GABRG3: variants seen among roughly 807,000 people sequenced by gnomAD.
GABRG3 encodes the protein gamma-aminobutyric acid receptor subunit gamma-3.
A neutral mutation model predicts 48.8 loss-of-function variants in GABRG3; 25 were observed. That is an observed-to-expected ratio of 0.51 (90% CI 0.37 to 0.72). GABRG3 has a LOEUF of 0.72. Among genes scored for constraint, GABRG3 ranks in the 30% least tolerant of loss-of-function variants. The probability of loss-of-function intolerance (pLI) is 0.00; values close to 1 mark genes in which losing one functional copy is unlikely to be tolerated. For synonymous variants in GABRG3, 227 were observed against 217.6 expected (o/e 1.04, Z -0.38); for missense variants, 394 against 577.9 (o/e 0.68, Z 3.26).
At chr15:27,312,845 G>A (rs376089430) in intron 3 of GABRG3, among the ~76,000 whole-genome samples, 5 of 152,006 alleles carry the variant, frequency 3.3e-5, no homozygotes, top group East Asian at 1.9e-4. Context: ...AATCTCATTA[G>A]TATAAGTAAA....
intron 3 of GABRG3, among the ~76,000 whole-genome samples, chr15:27,052,593 A>G (rs951054947): frequency 6.6e-6 from 1 of 152,252 alleles, no homozygotes; most frequent in Non-Finnish European, 1.5e-5. Context: ...GAAATCTAGT[A>G]TCAAGACAAA....
intron 3 of GABRG3, among the ~76,000 whole-genome samples, chr15:27,116,372 T>A (rs1897641558): frequency 1.3e-5 from 2 of 150,814 alleles, no homozygotes; most frequent in Admixed American, 6.6e-5. Flanking sequence ...TTTTATATAT[T>A]TTTTTCTCAT....
At chr15:27,388,085 A>AGGTG (rs1566817568) in intron 5 of GABRG3, among the ~76,000 whole-genome samples, 9 of 61,858 alleles carry the variant, frequency 1.5e-4, no homozygotes, top group African/African-American at 6.4e-4. Flanking sequence ...AAGGAAGGAA[A>AGGTG]GGAGGGAGGA....
At position 27,236,665 on chromosome 15, in the gene GABRG3, A is replaced by G. The variant is rs1889978006; in HGVS notation, c.271-90144A>G. ...TTCCTGATTAGAGACCACCAGCCAC[A>G]GAGTGGCTCTGACCAGCCTAGGGAG... On this transcript the variant is annotated intron_variant, in intron 3 of 9. Coordinates refer to ENST00000615808, the MANE Select transcript of GABRG3 (RefSeq NM_033223.5). This position sits in a 1 kb window ranked among gnomAD's most constrained non-coding sequence, Gnocchi z 4.4. Among the ~76,000 whole-genome samples the G allele has an allele frequency of 6.6e-6, 1 of 152,200 alleles. No individual in the cohort carries two copies. Among genetic ancestry groups the G allele is most frequent in the Admixed American group, 6.5e-5 (1 of 15,282 alleles).
In GABRG3 at chr15:27,061,866, C is replaced by T. The variant is rs569587118; in HGVS notation, c.270+35045C>T. 2.0e-4 allele frequency among the ~76,000 whole-genome samples: 31 copies of T among 152,294 alleles called. No homozygotes were observed. The East Asian group carries it at 4.3e-3, about 21-fold the overall frequency. On this transcript the variant is annotated intron_variant, in intron 3 of 9. Coordinates refer to ENST00000615808, the MANE Select transcript of GABRG3 (RefSeq NM_033223.5). ...TCTCCCGCCCCGTGTGGAAATCCTG[C>T]TGTGCTCCCGAGAGGCACTGCCTGC...
chr15:27,358,823 G>A (rs113057937), intron 5 of GABRG3, among the ~76,000 whole-genome samples: 39 of 152,236 alleles, frequency 2.6e-4, no homozygotes, highest in African/African-American at 9.1e-4. Context: ...TTCTCCCTAC[G>A]TAGGAGGGCC....
intron 5 of GABRG3, among the ~76,000 whole-genome samples, chr15:27,356,330 A>G (rs1184049120): frequency 6.6e-6 from 1 of 152,202 alleles, no homozygotes; most frequent in African/African-American, 2.4e-5. Flanking sequence ...TGTGATTCTC[A>G]TTCTTTGAAT....
chr15:27,487,941 C>T (rs955524895), intron 6 of GABRG3, among the ~76,000 whole-genome samples: 1 of 152,152 alleles, frequency 6.6e-6, no homozygotes, highest in South Asian at 2.1e-4. Flanking sequence ...ACGCAAATGA[C>T]AAACTGAATC....
intron 7 of GABRG3, among the ~76,000 whole-genome samples, chr15:27,527,018 G>A (rs991879123): frequency 6.6e-6 from 1 of 152,136 alleles, no homozygotes; most frequent in Middle Eastern, 3.2e-3. Context: ...TGCTGGAGCC[G>A]GGTCTTCAAG....
chr15:27,016,172 A>G (rs950810070), intron 2 of GABRG3, among the ~76,000 whole-genome samples: 4 of 151,264 alleles, frequency 2.6e-5, no homozygotes, highest in Non-Finnish European at 4.4e-5. Context: ...TATTTCTTAT[A>G]TAGCAGCTCT....
chr15:27,440,599 G>A (rs1018745269), intron 5 of GABRG3, among the ~76,000 whole-genome samples: 1 of 152,288 alleles, frequency 6.6e-6, no homozygotes, highest in Admixed American at 6.5e-5. Context: ...TTGAGGCAGG[G>A]CCTTTCCTGG....
At chr15:27,486,320 A>G (rs1043581956) in intron 6 of GABRG3, among the ~76,000 whole-genome samples, 2 of 152,174 alleles carry the variant, frequency 1.3e-5, no homozygotes, top group Non-Finnish European at 2.9e-5. Context: ...GAGACTAGTT[A>G]TTATAGTCAA....
At chr15:27,476,208 G>T (rs2150842729) in intron 5 of GABRG3, among the ~76,000 whole-genome samples, 1 of 152,214 alleles carries the variant, frequency 6.6e-6, no homozygotes, top group East Asian at 1.9e-4. Flanking sequence ...AGTGGAGGAA[G>T]GTATCTGATA....
At chr15:27,386,292 T>G (rs1029196330) in intron 5 of GABRG3, among the ~76,000 whole-genome samples, 1 of 152,186 alleles carries the variant, frequency 6.6e-6, no homozygotes, top group African/African-American at 2.4e-5. Context: ...CTGAGGAAGT[T>G]AAGAAGTATG....
At chr15:27,069,860 G>C (rs1417684743) in intron 3 of GABRG3, among the ~76,000 whole-genome samples, 1 of 152,220 alleles carries the variant, frequency 6.6e-6, no homozygotes, top group South Asian at 2.1e-4. Flanking sequence ...GGAGAAATGG[G>C]CACAGAGAGC....
chr15:27,196,207 T>G (rs1164821181), intron 3 of GABRG3, among the ~76,000 whole-genome samples: 1 of 152,154 alleles, frequency 6.6e-6, no homozygotes, highest in East Asian at 1.9e-4. Flanking sequence ...TGGTCAGCTC[T>G]TTTGTCTGAT....
At chr15:26,973,138 C>A (rs1020518525) in intron 1 of GABRG3, among the ~76,000 whole-genome samples, 1 of 152,324 alleles carries the variant, frequency 6.6e-6, no homozygotes, top group African/African-American at 2.4e-5. Context: ...CAGTAATCAA[C>A]TGTTTAGGTC....
At chr15:27,206,329 C>G (rs1376080830) in intron 3 of GABRG3, among the ~76,000 whole-genome samples, 2 of 152,130 alleles carry the variant, frequency 1.3e-5, no homozygotes, top group African/African-American at 4.8e-5. Flanking sequence ...CATTCGGGGT[C>G]AGATTATTTA....
chr15:27,145,429 A>G (rs571928361), intron 3 of GABRG3, among the ~76,000 whole-genome samples: 1 of 152,294 alleles, frequency 6.6e-6, no homozygotes, highest in South Asian at 2.1e-4. Flanking sequence ...AAGGTACTCA[A>G]CAGCAGATGT....
Sources: allele counts gnomAD v4.1 joint callset (sites outside exome capture counted in the v4.1 genomes callset), GRCh38; gene constraint gnomAD v4.1.1; non-coding constraint Gnocchi (gnomAD v3.1); transcripts MANE v1.5; gene names NCBI Gene and HGNC (gene_info 2026-07-23, HGNC 2026-07-21).